The following UBAC2 variants were observed in gnomAD, a reference collection of about 807,000 sequenced individuals.
UBAC2 encodes the protein UBA domain containing 2.
A neutral mutation model predicts 44.0 loss-of-function variants in UBAC2; 26 were observed. That is an observed-to-expected ratio of 0.59 (90% CI 0.43 to 0.82). The LOEUF is 0.82. Among genes scored for constraint, UBAC2 ranks in the 40% least tolerant of loss-of-function variants. The pLI, the probability that UBAC2 is intolerant of heterozygous loss-of-function variation, is 0.00. For synonymous variants in UBAC2, 155 were observed against 154.3 expected, an observed-to-expected ratio of 1.00 and a Z score of -0.04; for missense variants, 329 against 419.4, an observed-to-expected ratio of 0.78 and a Z score of 1.88.
intron 4 of UBAC2, among the ~76,000 whole-genome samples, chr13:99,253,425 C>T (rs1404262754): frequency 6.6e-6 from 1 of 151,802 alleles, no homozygotes; most frequent in Non-Finnish European, 1.5e-5. Context: ...AAGGGACCTT[C>T]TAGTGCAAAA....
At chr13:99,205,453 C>T (rs924279019) in intron 1 of UBAC2, among the ~76,000 whole-genome samples, 4 of 152,212 alleles carry the variant, frequency 2.6e-5, no homozygotes, top group Admixed American at 2.0e-4. Context: ...AAATCAATCA[C>T]GGTGTTTTCT....
chr13:99,276,238 C>T (rs143546517), intron 4 of UBAC2, among the ~76,000 whole-genome samples: 1 of 152,272 alleles, frequency 6.6e-6, no homozygotes, highest in East Asian at 1.9e-4. Context: ...CACTTTCTAC[C>T]TGGAGTTAGT....
intron 8 of UBAC2, among the ~76,000 whole-genome samples, chr13:99,370,838 T>G (rs1461552954): frequency 6.6e-6 from 1 of 152,238 alleles, no homozygotes; most frequent in African/African-American, 2.4e-5. Flanking sequence ...AGTTTTCCTC[T>G]TCTACCTCCA....
At chr13:99,347,894 C>T (rs2045016115) in intron 7 of UBAC2, among the ~76,000 whole-genome samples, 1 of 151,956 alleles carries the variant, frequency 6.6e-6, no homozygotes, top group South Asian at 2.1e-4. Context: ...TAGCTGCAGC[C>T]TGTGGTGCCC....
chr13:99,231,442 T>C (rs1423550480), intron 1 of UBAC2: 1 of 145,618 alleles, frequency 6.9e-6, no homozygotes, highest in Non-Finnish European at 1.5e-5. Context: ...AGATGGAGTT[T>C]CTCCCTGTCG....
chr13:99,327,868 A>G (rs566376063), intron 6 of UBAC2, among the ~76,000 whole-genome samples: 2 of 152,166 alleles, frequency 1.3e-5, no homozygotes, highest in South Asian at 2.1e-4. Flanking sequence ...TGTTATTTAC[A>G]TACAATAGAA....
chr13:99,356,197 G>T lies in UBAC2; in HGVS notation c.808-11590G>T, dbSNP rs192917405. 5.5e-4 allele frequency: 292 copies of T among 534,728 alleles called. 2 individuals are homozygous for T. The highest frequency in any genetic ancestry group is 2.5e-3 in the South Asian group (180 of 71,598). The allele number at this position is 534,728 out of a possible 1,614,324, so 33.1% of individuals were successfully genotyped here. A position where few individuals can be genotyped will look rare whatever the true frequency, so the allele number is the denominator to read the frequency against. Reference sequence around the variant, plus strand: ...ATCCTAAGCTGTGCTGGAGCTTCCCGATGTACTCTGTAGATGTCTTTGCAC... The same window carrying T: ...ATCCTAAGCTGTGCTGGAGCTTCCCTATGTACTCTGTAGATGTCTTTGCAC... On this transcript the variant is annotated intron_variant, in intron 7 of 8. Coordinates refer to ENST00000403766, the MANE Select transcript of UBAC2 (RefSeq NM_001144072.2).
intron 4 of UBAC2, among the ~76,000 whole-genome samples, chr13:99,251,164 C>G (rs1489019838): frequency 6.6e-6 from 1 of 152,108 alleles, no homozygotes; most frequent in Non-Finnish European, 1.5e-5. Context: ...TGGTTTGACT[C>G]TCAGCTTGAA....
At chr13:99,384,309 G>A (rs2045590462) in intron 8 of UBAC2, among the ~76,000 whole-genome samples, 1 of 150,594 alleles carries the variant, frequency 6.6e-6, no homozygotes, top group Non-Finnish European at 1.5e-5. Context: ...TACTGCAAGT[G>A]CAGTTTATTT....
chr13:99,305,767 G>T (rs1450589854), intron 4 of UBAC2, among the ~76,000 whole-genome samples: 1 of 152,164 alleles, frequency 6.6e-6, no homozygotes, highest in African/African-American at 2.4e-5. Flanking sequence ...CATATTCTTT[G>T]TGGTTTTATG....
chr13:99,356,432 C>T (rs985977983), intron 7 of UBAC2, among the ~76,000 whole-genome samples: 2 of 152,240 alleles, frequency 1.3e-5, no homozygotes, highest in Admixed American at 1.3e-4. Context: ...CAAAACTGAG[C>T]AACAGGATGT....
chr13:99,281,077 T>C (rs909853538), intron 4 of UBAC2, among the ~76,000 whole-genome samples: 1 of 151,814 alleles, frequency 6.6e-6, no homozygotes, highest in Admixed American at 6.6e-5. Flanking sequence ...TCCCAGCTAC[T>C]TGGGAGGCTG....
intron 4 of UBAC2, among the ~76,000 whole-genome samples, chr13:99,277,820 G>T (rs866350273): frequency 1.3e-5 from 2 of 152,040 alleles, no homozygotes; most frequent in South Asian, 2.1e-4. Context: ...GTCACCACCC[G>T]CAAGCCTCAT....
intron 7 of UBAC2, among the ~76,000 whole-genome samples, chr13:99,357,116 T>C (rs1170418925): frequency 6.6e-6 from 1 of 152,214 alleles, no homozygotes; most frequent in Admixed American, 6.5e-5. Context: ...ATTTTTGCTA[T>C]GTCTTTTCTA....
At chr13:99,286,891 G>A (rs1020574918) in intron 4 of UBAC2, among the ~76,000 whole-genome samples, 19 of 152,260 alleles carry the variant, frequency 1.2e-4, no homozygotes, top group African/African-American at 4.6e-4. Flanking sequence ...TTAACTGATT[G>A]GAGATGGAGA....
At chr13:99,315,862 G>T (rs2044481454) in intron 5 of UBAC2, among the ~76,000 whole-genome samples, 1 of 152,150 alleles carries the variant, frequency 6.6e-6, no homozygotes, top group East Asian at 1.9e-4. Context: ...GGGAAAGGGG[G>T]TCTTAGTTGG....
chr13:99,366,555 G>A (rs1036259711), intron 7 of UBAC2, among the ~76,000 whole-genome samples: 2 of 152,090 alleles, frequency 1.3e-5, no homozygotes, highest in Non-Finnish European at 2.9e-5. Flanking sequence ...CCCCAAATTT[G>A]CCTGTGGTTC....
intron 4 of UBAC2, among the ~76,000 whole-genome samples, chr13:99,262,048 C>T (rs748767644): frequency 6.6e-6 from 1 of 152,222 alleles, no homozygotes; most frequent in Non-Finnish European, 1.5e-5. Context: ...CTGTCCCGCT[C>T]CTTCCTCCCC....
chr13:99,237,151 C>T (rs371876214), intron 1 of UBAC2, among the ~76,000 whole-genome samples: 29 of 151,994 alleles, frequency 1.9e-4, no homozygotes. Context: ...CCATCAGGCC[C>T]GGCCTTCTTT....
Sources: gnomAD v4.1 joint callset for allele counts (sites outside exome capture counted in the v4.1 genomes callset) on GRCh38, gnomAD v4.1.1 for gene constraint, MANE v1.5 for transcripts, NCBI Gene and HGNC (gene_info 2026-07-23, HGNC 2026-07-21) for gene names.